Variants in CACNG4 observed in about 807,000 individuals in gnomAD.
CACNG4 encodes the protein calcium voltage-gated channel auxiliary subunit gamma 4.
In CACNG4, 8 loss-of-function variants were observed where a neutral mutation model predicts 22.9. The ratio of observed to expected loss-of-function variants is 0.35; its 90% CI spans 0.21 to 0.63. The LOEUF (loss-of-function observed/expected upper bound fraction) is 0.63. Among genes scored for constraint, CACNG4 ranks in the 30% least tolerant of loss-of-function variants. The probability of loss-of-function intolerance (pLI) is 0.72; values close to 1 mark genes in which losing one functional copy is unlikely to be tolerated. For synonymous variants in CACNG4, 188 were observed against 191.9 expected, an observed-to-expected ratio of 0.98 and a Z score of 0.17; for missense variants, 357 against 455.4, an observed-to-expected ratio of 0.78 and a Z score of 1.97.
chr17:66,982,501 T>C (rs1331960997), intron 1 of CACNG4, among the ~76,000 whole-genome samples: 2 of 132,158 alleles, frequency 1.5e-5, no homozygotes. Context: ...AGGGCGTTGA[T>C]TGGCGTGTTT....
At chr17:67,005,359 T>C (rs2035431415) in intron 1 of CACNG4, among the ~76,000 whole-genome samples, 1 of 152,108 alleles carries the variant, frequency 6.6e-6, no homozygotes, top group Non-Finnish European at 1.5e-5. Context: ...GGCTCCCCAG[T>C]GGTACACCCC....
chr17:66,977,216 A>G (rs2035243212), intron 1 of CACNG4, among the ~76,000 whole-genome samples: 1 of 152,078 alleles, frequency 6.6e-6, no homozygotes, highest in South Asian at 2.1e-4. Context: ...TATCAACCAG[A>G]TCACATCATT....
intron 1 of CACNG4, among the ~76,000 whole-genome samples, chr17:67,012,372 G>A (rs187346679): frequency 9.9e-4 from 150 of 152,244 alleles, no homozygotes; most frequent in Middle Eastern, 3.4e-3. Flanking sequence ...CATGCAACAC[G>A]CCCAGCCTTC....
At chr17:67,002,260 T>C (rs571074677) in intron 1 of CACNG4, among the ~76,000 whole-genome samples, 4 of 152,274 alleles carry the variant, frequency 2.6e-5, no homozygotes, top group African/African-American at 7.2e-5. Flanking sequence ...TCAGATCTAA[T>C]AGACTTATTC....
At chr17:66,971,329 A>G (rs1013261917) in intron 1 of CACNG4, among the ~76,000 whole-genome samples, 2 of 150,858 alleles carry the variant, frequency 1.3e-5, no homozygotes, top group Non-Finnish European at 2.9e-5. Context: ...GAGCTTACTT[A>G]GTTCAGTGAC....
At position 67,031,368 on chromosome 17, in the gene CACNG4, C is replaced by T. The variant is rs760988174; in HGVS notation, c.*364C>T. ...TTGGAAACGAATCTTGCCAGAAAAA[C>T]GGGATTTCAGGGCCTTCCCTCCCTG... On this transcript the variant is annotated 3_prime_UTR_variant, in exon 4 of 4. Transcript: ENST00000262138. The surrounding 1 kb of genome is among the most constrained non-coding windows in gnomAD (Gnocchi z 4.0). 5 of 479,568 alleles carry T rather than the reference C, an allele frequency of 1.0e-5. No homozygotes were observed. Among genetic ancestry groups the T allele is most frequent in the South Asian group, 3.1e-5 (2 of 64,766 alleles). 29.7% of individuals were successfully genotyped at this position (479,568 alleles called of 1,614,324 possible). A position where few individuals can be genotyped will look rare whatever the true frequency, so the allele number is the denominator to read the frequency against.
At chr17:66,977,915 C>T (rs961508620) in intron 1 of CACNG4, among the ~76,000 whole-genome samples, 14 of 152,192 alleles carry the variant, frequency 9.2e-5, no homozygotes, top group African/African-American at 3.4e-4. Context: ...CCATACAGGG[C>T]ACGATGTGGA....
rs376916379 is a variant in CACNG4, at chr17:67,024,853, C to T, written c.305-7C>T. On this transcript the variant is annotated splice_polypyrimidine_tract_variant and splice_region_variant and intron_variant, in intron 2 of 3. Transcript: ENST00000262138. ...CTCTGCTTTGTGCCCCCCACCTCCCCGGCCAGGCATCGTGCGAGCCTCCAG... is the reference window on the plus strand; with the variant it reads ...CTCTGCTTTGTGCCCCCCACCTCCCTGGCCAGGCATCGTGCGAGCCTCCAG... The T allele has an allele frequency of 4.8e-5, 74 of 1,534,230 alleles. No homozygotes were observed. Among genetic ancestry groups the T allele is most frequent in the Middle Eastern group, 3.5e-4 (2 of 5,780 alleles).
At chr17:67,002,191 C>T (rs528907083) in intron 1 of CACNG4, among the ~76,000 whole-genome samples, 3 of 152,278 alleles carry the variant, frequency 2.0e-5, no homozygotes, top group Admixed American at 6.5e-5. Context: ...AACAAAGGCA[C>T]GTCTTACATG....
At chr17:67,020,443 A>G (rs2035525068) in intron 2 of CACNG4, among the ~76,000 whole-genome samples, 1 of 152,246 alleles carries the variant, frequency 6.6e-6, no homozygotes, top group African/African-American at 2.4e-5. Context: ...CGCTGTGGGG[A>G]AAGCAGCCAG....
intron 1 of CACNG4, among the ~76,000 whole-genome samples, chr17:67,004,666 G>T (rs2035427230): frequency 6.6e-6 from 1 of 152,192 alleles, no homozygotes; most frequent in African/African-American, 2.4e-5. Context: ...GCTGGTTGGG[G>T]GTTAGAGTTC....
At chr17:67,000,638 G>T (rs2035402596) in intron 1 of CACNG4, among the ~76,000 whole-genome samples, 1 of 152,174 alleles carries the variant, frequency 6.6e-6, no homozygotes, top group South Asian at 2.1e-4. Context: ...GAGGGCCAGT[G>T]GCCAAGGTCC....
At position 67,031,149 on chromosome 17, in the gene CACNG4, C is replaced by A; in HGVS notation, c.*145C>A. 1.1e-6 allele frequency: 1 copy of A among 877,224 alleles called. No homozygotes were observed. Among genetic ancestry groups the A allele is most frequent in the Non-Finnish European group, 1.7e-6 (1 of 576,760 alleles). 54.3% of individuals were successfully genotyped at this position (877,224 alleles called of 1,614,324 possible). A position where few individuals can be genotyped will look rare whatever the true frequency, so the allele number is the denominator to read the frequency against. ...GGCCTCCAGAGGTGGCGTGGGCTGG[C>A]TTTGCACGAAGGTTGTGCTGGGAGA... On this transcript the variant is annotated 3_prime_UTR_variant, in exon 4 of 4. Transcript: ENST00000262138. This position sits in a 1 kb window ranked among gnomAD's most constrained non-coding sequence, Gnocchi z 4.0.
chr17:67,031,351 G>C lies in CACNG4; in HGVS notation c.*347G>C. On this transcript the variant is annotated 3_prime_UTR_variant, in exon 4 of 4. Transcript: ENST00000262138. This position sits in a 1 kb window ranked among gnomAD's most constrained non-coding sequence, Gnocchi z 4.0. ...TGAGCCATTATCTCCTCTTGGAAACGAATCTTGCCAGAAAAACGGGATTTC... is the reference window on the plus strand; with the variant it reads ...TGAGCCATTATCTCCTCTTGGAAACCAATCTTGCCAGAAAAACGGGATTTC... The C allele has an allele frequency of 2.0e-6, 1 of 500,982 alleles. No homozygotes were observed. Among genetic ancestry groups the C allele is most frequent in the Non-Finnish European group, 3.9e-6 (1 of 256,840 alleles). 31.0% of individuals were successfully genotyped at this position (500,982 alleles called of 1,614,324 possible).
At chr17:66,986,136 C>T (rs550597567) in intron 1 of CACNG4, among the ~76,000 whole-genome samples, 7 of 152,266 alleles carry the variant, frequency 4.6e-5, no homozygotes, top group African/African-American at 7.2e-5. Context: ...CTGGTACTAT[C>T]GAAACAGAAA....
intron 1 of CACNG4, among the ~76,000 whole-genome samples, chr17:66,986,274 G>C (rs2035305280): frequency 6.6e-6 from 1 of 152,246 alleles, no homozygotes; most frequent in South Asian, 2.1e-4. Context: ...CGTGTGGGTT[G>C]AGGGTCTCAC....
At position 67,013,725 on chromosome 17, in the gene CACNG4, A is replaced by G. The variant is rs566981734; in HGVS notation, c.221-4464A>G. ...GAGGCTGAGGCAGGAGAATTGGTTG[A>G]ACCCGGGAGGTGGAGGTCGCAGTGA... On this transcript the variant is annotated intron_variant, in intron 1 of 3. Coordinates refer to ENST00000262138, the MANE Select transcript of CACNG4 (RefSeq NM_014405.4). Among the ~76,000 whole-genome samples, 289 of 152,206 alleles carry G rather than the reference A, an allele frequency of 1.9e-3. 1 individual carries two copies. Among genetic ancestry groups the G allele is most frequent in the African/African-American group, 6.6e-3 (274 of 41,518 alleles).
At chr17:67,010,445 G>T (rs1192669484) in intron 1 of CACNG4, among the ~76,000 whole-genome samples, 2 of 152,178 alleles carry the variant, frequency 1.3e-5, no homozygotes, top group African/African-American at 4.8e-5. Context: ...AAGCCAGGCA[G>T]CCTGGGTTCA....
chr17:67,028,072 T>C (rs77361558), intron 3 of CACNG4, among the ~76,000 whole-genome samples: 10,335 of 151,640 alleles, frequency 0.068, 460 homozygotes, highest in Admixed American at 0.11. Context: ...AAAACCATGT[T>C]GGAAAGGGTT....
Sources: gnomAD v4.1 joint callset for allele counts (sites outside exome capture counted in the v4.1 genomes callset) on GRCh38, gnomAD v4.1.1 for gene constraint, Gnocchi (gnomAD v3.1) non-coding constraint, MANE v1.5 for transcripts, NCBI Gene and HGNC (gene_info 2026-07-23, HGNC 2026-07-21) for gene names.